Variants in ASXL2 observed in about 807,000 individuals in gnomAD.
ASXL2 encodes the protein putative Polycomb group protein ASXL2.
In ASXL2, 23 loss-of-function variants were observed where a neutral mutation model predicts 122.0. That is an observed-to-expected ratio of 0.19 (90% CI 0.14 to 0.27). ASXL2 has a LOEUF of 0.27. Among genes scored for constraint, ASXL2 ranks in the 10% least tolerant of loss-of-function variants. The pLI is 1.00. For missense variants in ASXL2, 1,518 were observed against 1,713.8 expected, an observed-to-expected ratio of 0.89 and a Z score of 2.02; for synonymous variants, 650 against 637.0, an observed-to-expected ratio of 1.02 and a Z score of -0.31.
Position 25,737,176 on chromosome 2 carries a change from A to G in ASXL2, c.*4853T>C, listed in dbSNP as rs546843130. 1.3e-5 allele frequency: 2 copies of G among 152,180 alleles called. No individual in the cohort carries two copies. Among genetic ancestry groups the G allele is most frequent in the South Asian group, 4.2e-4 (2 of 4,808 alleles). The allele number at this position is 152,180 out of a possible 1,614,324, so 9.4% of individuals were successfully genotyped here. On this transcript the variant is annotated 3_prime_UTR_variant, in exon 13 of 13. Transcript: ENST00000435504. ...TCCAGATTAGACGGGCAGGAAGGAC[A>G]TGACTGGCTATGAAACTCACTTCTG... is the stretch of plus-strand genomic sequence containing the variant.
chr2:25,765,301 C>T (rs2088325489), intron 8 of ASXL2, among the ~76,000 whole-genome samples: 1 of 151,888 alleles, frequency 6.6e-6, no homozygotes, highest in Admixed American at 6.6e-5. Flanking sequence ...CTGGCTAACA[C>T]AGTGAAACCC....
At chr2:25,769,603 G>GA (rs2088411624) in intron 6 of ASXL2, among the ~76,000 whole-genome samples, 1 of 148,230 alleles carries the variant, frequency 6.7e-6, no homozygotes, top group Non-Finnish European at 1.5e-5. Context: ...AAAAAAACAA[G>GA]AAATACCCAA....
chr2:25,818,375 G>C (rs1489185584), intron 3 of ASXL2, among the ~76,000 whole-genome samples: 1 of 152,312 alleles, frequency 6.6e-6, no homozygotes, highest in African/African-American at 2.4e-5. Flanking sequence ...GCTGGGCATG[G>C]TGGCGGGCAC....
intron 3 of ASXL2, among the ~76,000 whole-genome samples, chr2:25,807,182 T>C (rs532926846): frequency 6.6e-6 from 1 of 152,328 alleles, no homozygotes; most frequent in South Asian, 2.1e-4. Flanking sequence ...TTTTAAAAAC[T>C]GATCACAATA....
At chr2:25,878,060 C>T in intron 1 of ASXL2, 106 bp downstream of exon 1, 2 of 1,451,210 alleles carry the variant, frequency 1.4e-6, no homozygotes, top group Non-Finnish European at 1.9e-6. Context: ...CGGTTTTGTG[C>T]CCCTTCAGCC....
intron 2 of ASXL2, 45 bp downstream of exon 2, chr2:25,845,436 T>G (rs2089638125): frequency 7.4e-7 from 1 of 1,342,980 alleles, no homozygotes; most frequent in Non-Finnish European, 1.0e-6. Flanking sequence ...CCAAATACTC[T>G]GATCAAGTAT....
At chr2:25,773,474 G>A (rs1156525639) in intron 5 of ASXL2, among the ~76,000 whole-genome samples, 2 of 151,624 alleles carry the variant, frequency 1.3e-5, no homozygotes, top group East Asian at 2.0e-4. Flanking sequence ...GACCATCCTG[G>A]CTAACACGGT....
In ASXL2 at chr2:25,735,629, C is replaced by CAAA. The variant is rs549093801; in HGVS notation, c.*6399_*6400insTTT. The CAAA allele has an allele frequency of 4.6e-5, 7 of 152,168 alleles. No individual in the cohort carries two copies. The highest frequency in any genetic ancestry group is 1.0e-4 in the Non-Finnish European group (7 of 68,016). The allele number at this position is 152,168 out of a possible 1,614,324, so 9.4% of individuals were successfully genotyped here. A position where few individuals can be genotyped will look rare whatever the true frequency, so the allele number is the denominator to read the frequency against. ...AGTGACAGGAAAGCTGCATTATTTACCCAACTGTGTTTGAAAGGGTTAGTT... is the reference window on the plus strand; with the variant it reads ...AGTGACAGGAAAGCTGCATTATTTACAAACCAACTGTGTTTGAAAGGGTTAGTT... On this transcript the variant is annotated 3_prime_UTR_variant, in exon 13 of 13. Transcript: ENST00000435504.
chr2:25,815,918 G>C (rs184926792), intron 3 of ASXL2, among the ~76,000 whole-genome samples: 1 of 152,256 alleles, frequency 6.6e-6, no homozygotes, highest in East Asian at 1.9e-4. Flanking sequence ...AAAGGGAAAA[G>C]AACAACAACA....
rs2087692180 is a variant in ASXL2, at chr2:25,734,059, T to G, written c.*7970A>C. On this transcript the variant is annotated 3_prime_UTR_variant, in exon 13 of 13. Transcript: ENST00000435504. ...GCAGTCACAGAATTAAGACAGGTTT[T>G]TTTTTTTTAAAAAAAATAGGTCAAA... The G allele has an allele frequency of 7.1e-6, 1 of 140,628 alleles. No individual in the cohort carries two copies. The highest frequency in any genetic ancestry group is 2.7e-5 in the African/African-American group (1 of 37,648). 8.7% of individuals were successfully genotyped at this position (140,628 alleles called of 1,614,324 possible). A position where few individuals can be genotyped will look rare whatever the true frequency, so the allele number is the denominator to read the frequency against.
intron 1 of ASXL2, among the ~76,000 whole-genome samples, chr2:25,850,183 A>C: frequency 7.3e-6 from 1 of 137,922 alleles, no homozygotes; most frequent in Non-Finnish European, 1.6e-5. Context: ...ACAAGGACTT[A>C]AATTTTTTTT....
Position 25,741,946 on chromosome 2 carries a change from T to G in ASXL2, c.*83A>C. The G allele has an allele frequency of 7.5e-7, 1 of 1,326,710 alleles. No individual in the cohort carries two copies. Among genetic ancestry groups the G allele is most frequent in the East Asian group, 2.3e-5 (1 of 43,004 alleles). 82.2% of individuals were successfully genotyped at this position (1,326,710 alleles called of 1,614,324 possible). A position where few individuals can be genotyped will look rare whatever the true frequency, so the allele number is the denominator to read the frequency against. On this transcript the variant is annotated 3_prime_UTR_variant, in exon 13 of 13. Transcript: ENST00000435504. ...CAACTGAAACCTACTTGTTTATTTC[T>G]GTGATTCCAAAAGGACGCAAAAAAC... is the stretch of plus-strand genomic sequence containing the variant.
intron 11 of ASXL2, among the ~76,000 whole-genome samples, chr2:25,751,785 ACT>A: frequency 6.6e-6 from 1 of 151,224 alleles, no homozygotes; most frequent in East Asian, 1.9e-4. Flanking sequence ...AGTTTATAGA[ACT>A]CTTTTTTTTT....
chr2:25,762,191 T>C (rs951696593), intron 8 of ASXL2, among the ~76,000 whole-genome samples: 24 of 151,664 alleles, frequency 1.6e-4, no homozygotes, highest in African/African-American at 5.6e-4. Flanking sequence ...AAGTATGATA[T>C]ATCAATTTTT....
chr2:25,734,038 T>C lies in ASXL2; in HGVS notation c.*7991A>G, dbSNP rs2087690693. The C allele has an allele frequency of 3.3e-5, 5 of 150,222 alleles. No homozygotes were observed. The highest frequency in any genetic ancestry group is 3.3e-4 in the Admixed American group (5 of 15,050). The allele number at this position is 150,222 out of a possible 1,614,324, so 9.3% of individuals were successfully genotyped here. A position where few individuals can be genotyped will look rare whatever the true frequency, so the allele number is the denominator to read the frequency against. On this transcript the variant is annotated 3_prime_UTR_variant, in exon 13 of 13. Transcript: ENST00000435504. Reference sequence around the variant, plus strand: ...AGTGCTGGTGAAGGGTGCAATGCAGTCACAGAATTAAGACAGGTTTTTTTT... The same window carrying C: ...AGTGCTGGTGAAGGGTGCAATGCAGCCACAGAATTAAGACAGGTTTTTTTT...
intron 8 of ASXL2, 146 bp downstream of exon 8, chr2:25,767,437 T>A (rs1344606844): frequency 2.6e-6 from 2 of 783,198 alleles, no homozygotes; most frequent in African/African-American, 3.5e-5. Flanking sequence ...AGTAATTATG[T>A]TAGCAACAAA....
chr2:25,809,906 A>T (rs2089141746), intron 3 of ASXL2: 1 of 511,190 alleles, frequency 2.0e-6, no homozygotes, highest in African/African-American at 1.9e-5. Flanking sequence ...GAGCAGCAGC[A>T]GGGTGAGACT....
At chr2:25,843,482 A>G (rs1574444331) in intron 2 of ASXL2, among the ~76,000 whole-genome samples, 1 of 152,054 alleles carries the variant, frequency 6.6e-6, no homozygotes, top group Non-Finnish European at 1.5e-5. Flanking sequence ...GTTTACACTC[A>G]ATTTTTCAGG....
chr2:25,778,001 A>G (rs1211527405), intron 5 of ASXL2, among the ~76,000 whole-genome samples: 1 of 152,242 alleles, frequency 6.6e-6, no homozygotes, highest in Non-Finnish European at 1.5e-5. Context: ...TAAGTTTTAC[A>G]TATCAGGAAA....
Sources: allele counts gnomAD v4.1 joint callset (sites outside exome capture counted in the v4.1 genomes callset), GRCh38; gene constraint gnomAD v4.1.1; transcripts MANE v1.5; gene names NCBI Gene and HGNC (gene_info 2026-07-23, HGNC 2026-07-21).